Variants in CR1 observed in about 807,000 individuals in gnomAD.
CR1 encodes complement receptor type 1.
CR1 carries 116 observed loss-of-function variants against 187.3 expected under a neutral mutation model. That is an observed-to-expected ratio of 0.62 (90% CI 0.53 to 0.72). The LOEUF (loss-of-function observed/expected upper bound fraction) is 0.72. Among genes scored for constraint, CR1 ranks in the 30% least tolerant of loss-of-function variants. The probability of loss-of-function intolerance (pLI) is 0.00; values close to 1 mark genes in which losing one functional copy is unlikely to be tolerated. For synonymous variants in CR1, 576 were observed against 747.1 expected, an observed-to-expected ratio of 0.77 and a Z score of 3.73; for missense variants, 1,731 against 2,110.7, an observed-to-expected ratio of 0.82 and a Z score of 3.52.
intron 35 of CR1, among the ~76,000 whole-genome samples, chr1:207,593,101 A>AAAAAAAAAAT (rs1661325605): frequency 6.6e-6 from 1 of 151,802 alleles, no homozygotes; most frequent in African/African-American, 2.4e-5. Flanking sequence ...AAAAAAAAAA[A>AAAAAAAAAAT]AACTACTTTA....
chr1:207,584,702 C>G lies in CR1; in HGVS notation c.5356C>G (p.Pro1786Ala), dbSNP rs1354101840. 1.9e-5 allele frequency: 30 copies of G among 1,613,602 alleles called. No individual in the cohort carries two copies. Among genetic ancestry groups the G allele is most frequent in the Non-Finnish European group, 2.5e-5 (29 of 1,179,706 alleles). The change falls in exon 33 of 47, where the codon CCC becomes GCC. Residue 1786 changes from proline to alanine, a missense_variant. This residue lies in a region of CR1 where 1,312 missense variants were observed against 1,379.6 expected (regional missense o/e 0.95). Coordinates refer to ENST00000367049, the MANE Select transcript of CR1 (RefSeq NM_000651.6). ...AILNGRHTGTPSGDIPYGKEI... is the reference protein window; with the variant it reads ...AILNGRHTGTASGDIPYGKEI... The stretch of plus-strand genomic sequence containing the variant: ...CCTTAATGGGAGACACACAGGAACT[C>G]CCTCTGGAGATATTCCCTATGGAAA...
At position 207,506,464 on chromosome 1, in the gene CR1, GATA is replaced by G. The variant is rs148137791; in HGVS notation, c.302-245_302-243del. 8.8e-3 allele frequency among the ~76,000 whole-genome samples: 1,348 copies of G among 152,322 alleles called. 12 individuals are homozygous for G. The highest frequency in any genetic ancestry group is 0.031 in the African/African-American group (1,288 of 41,564). On this transcript the variant is annotated intron_variant, in intron 2 of 46. Transcript: ENST00000367049. ...ATTATACCAGTTGAATTGAATTACAGATAATAACAAAGTTTACATTTTTCTGGG... is the reference window on the plus strand; with the variant it reads ...ATTATACCAGTTGAATTGAATTACAGATAACAAAGTTTACATTTTTCTGGG...
At chr1:207,584,573 T>C in intron 32 of CR1, 76 bp from the exon 33 acceptor site, 1 of 1,528,334 alleles carries the variant, frequency 6.5e-7, no homozygotes, top group Non-Finnish European at 8.9e-7. Flanking sequence ...ACAGTCACAG[T>C]ATGACAACTG....
At chr1:207,513,749 TCCC>T (rs1659696183) in intron 4 of CR1, among the ~76,000 whole-genome samples, 1 of 69,482 alleles carries the variant, frequency 1.4e-5, no homozygotes. Context: ...CCTCCCTCCC[TCCC>T]TCCCTCCCTC....
At chr1:207,520,509 C>A (rs1659942227) in intron 4 of CR1, among the ~76,000 whole-genome samples, 1 of 152,126 alleles carries the variant, frequency 6.6e-6, no homozygotes, top group Non-Finnish European at 1.5e-5. Context: ...GCTGATGGGT[C>A]CCCTTCTCTC....
intron 28 of CR1, among the ~76,000 whole-genome samples, chr1:207,577,265 C>CAAAAA (rs58120393): frequency 6.8e-6 from 1 of 147,294 alleles, no homozygotes; most frequent in South Asian, 2.1e-4. Flanking sequence ...AACAAACAAA[C>CAAAAA]AAAAAAAAAA....
chr1:207,525,076 G>A (rs1442001973), intron 5 of CR1, among the ~76,000 whole-genome samples: 1 of 151,954 alleles, frequency 6.6e-6, no homozygotes, highest in Non-Finnish European at 1.5e-5. Context: ...GAGAGAGCAA[G>A]GCAGAGGTGC....
intron 46 of CR1, among the ~76,000 whole-genome samples, chr1:207,639,056 G>C (rs902855494): frequency 6.6e-6 from 1 of 152,194 alleles, no homozygotes; most frequent in African/African-American, 2.4e-5. Context: ...AGTTTGTTGC[G>C]GGGCCTGAGG....
intron 4 of CR1, among the ~76,000 whole-genome samples, chr1:207,523,327 A>G (rs115290463): frequency 0.021 from 3,243 of 152,352 alleles, 62 homozygotes; most frequent in Non-Finnish European, 0.028. Flanking sequence ...AGAAAACTGT[A>G]TAAATACTAT....
intron 46 of CR1, among the ~76,000 whole-genome samples, chr1:207,639,105 T>C (rs1662904851): frequency 6.6e-6 from 1 of 152,258 alleles, no homozygotes; most frequent in African/African-American, 2.4e-5. Flanking sequence ...TGGTTGCCCA[T>C]TTCTATCAAA....
At chr1:207,601,454 G>C (rs1661602262) in intron 35 of CR1, among the ~76,000 whole-genome samples, 1 of 152,058 alleles carries the variant, frequency 6.6e-6, no homozygotes, top group African/African-American at 2.4e-5. Flanking sequence ...ATTCCTGGGG[G>C]ATATGGTAAT....
At chr1:207,605,337 CCACACACA>C (rs61201153) in intron 35 of CR1, among the ~76,000 whole-genome samples, 4 of 142,780 alleles carry the variant, frequency 2.8e-5, no homozygotes, top group East Asian at 2.0e-4. Flanking sequence ...AATATTCTCA[CCACACACA>C]CACACACACA....
rs4844599 is a variant in CR1, at chr1:207,505,884, T to C, written c.122-20T>C. The C allele has an allele frequency of 6.3e-6, 10 of 1,599,792 alleles. No homozygotes were observed. Among genetic ancestry groups the C allele is most frequent in the South Asian group, 1.1e-5 (1 of 88,602 alleles). ...TAATTTCTCCATTAACTTTGATGCT[T>C]CTATGGTCTTGATCTCCAGGTCAAT... On this transcript the variant is annotated intron_variant, in intron 1 of 46. Transcript: ENST00000367049.
Position 207,565,047 on chromosome 1 carries a change from G to C in CR1, c.3867-791G>C, listed in dbSNP as rs544181322. The stretch of plus-strand genomic sequence containing the variant: ...GGGCTCTGGGCTCTGAGCTGGGGTC[G>C]TGATGGCTGCTGTTAATATTCCCAG... On this transcript the variant is annotated intron_variant, in intron 23 of 46. Coordinates refer to ENST00000367049, the MANE Select transcript of CR1 (RefSeq NM_000651.6). 7.3e-5 allele frequency among the ~76,000 whole-genome samples: 11 copies of C among 150,050 alleles called. 1 individual carries two copies. Among genetic ancestry groups the C allele is most frequent in the East Asian group, 5.8e-4 (3 of 5,174 alleles).
intron 39 of CR1, among the ~76,000 whole-genome samples, 192 bp from the exon 40 acceptor site, chr1:207,614,212 C>T (rs1662026757): frequency 6.6e-6 from 1 of 152,134 alleles, no homozygotes; most frequent in South Asian, 2.1e-4. Flanking sequence ...ATAAATTGGC[C>T]TTTGAGTTTC....
intron 36 of CR1, among the ~76,000 whole-genome samples, chr1:207,608,119 CAAT>C (rs1661805218): frequency 6.6e-6 from 1 of 152,204 alleles, no homozygotes. Flanking sequence ...ATACTCAATG[CAAT>C]AATATTTGTG....
intron 33 of CR1, among the ~76,000 whole-genome samples, chr1:207,587,178 T>G (rs1337820955): frequency 6.6e-6 from 1 of 152,194 alleles, no homozygotes; most frequent in Non-Finnish European, 1.5e-5. Flanking sequence ...GAAAGCTGAG[T>G]GGTCTTCCAA....
In CR1 at chr1:207,609,417, T is replaced by C. The variant is rs879168971; in HGVS notation, c.6024T>C (p.Phe2008=). Residue 2008 remains phenylalanine, a synonymous_variant, in exon 37 of 47, where the codon TTT becomes TTC. Transcript: ENST00000367049. The stretch of plus-strand genomic sequence containing the variant: ...CTGGACCAGATGGAGAACAGCTGTT[T>C]GAGCTTGTGGGAGAACGGTCAATAT... ...CHTGPDGEQL[F]ELVGERSIYC... is the part of the protein sequence containing the mutation. 6.2e-7 allele frequency: 1 copy of C among 1,614,030 alleles called. No homozygotes were observed. The highest frequency in any genetic ancestry group is 1.1e-5 in the South Asian group (1 of 91,084).
chr1:207,618,351 T>C, intron 42 of CR1, 104 bp downstream of exon 42: 2 of 1,086,464 alleles, frequency 1.8e-6, no homozygotes, highest in South Asian at 1.9e-5. Context: ...AGGGATAATA[T>C]TTTTTTCTTC....
Sources: gnomAD v4.1 joint callset for allele counts (sites outside exome capture counted in the v4.1 genomes callset) on GRCh38, gnomAD v4.1.1 for gene constraint, gnomAD v4.1.1 regional missense constraint, MANE v1.5 for transcripts, NCBI Gene and HGNC (gene_info 2026-07-23, HGNC 2026-07-21) for gene names.